The following C4orf51 variants were observed in gnomAD, a reference collection of about 807,000 sequenced individuals.
C4orf51 encodes chromosome 4 open reading frame 51.
A neutral mutation model predicts 25.2 loss-of-function variants in C4orf51; 25 were observed. The ratio of observed to expected loss-of-function variants is 0.99; its 90% CI spans 0.72 to 1.39. C4orf51 has a LOEUF of 1.39. Among genes scored for constraint, C4orf51 ranks in the 40% most tolerant of loss-of-function variants. The pLI is 0.00. For synonymous variants in C4orf51, 100 were observed against 84.5 expected (o/e 1.18, Z -1.01); for missense variants, 252 against 239.6 (o/e 1.05, Z -0.34).
the C4orf51 span, among the ~76,000 whole-genome samples, chr4:145,777,010 A>G: frequency 1.3e-5 from 2 of 152,100 alleles, no homozygotes; most frequent in African/African-American, 4.8e-5. Flanking sequence ...GGAAAGAACA[A>G]CTCCAGTGTT....
the C4orf51 span, chr4:145,779,364 A>G: frequency 1.9e-6 from 3 of 1,613,480 alleles, no homozygotes; most frequent in Non-Finnish European, 2.5e-6. Flanking sequence ...CCCAGGCCCT[A>G]CTCACTCACC....
chr4:145,773,400 A>G (rs1465959948), downstream of C4orf51, among the ~76,000 whole-genome samples: 1 of 152,206 alleles, frequency 6.6e-6, no homozygotes, highest in Non-Finnish European at 1.5e-5. Context: ...CCAGAGAAAC[A>G]CAGAGAGATC....
intron 1 of C4orf51, among the ~76,000 whole-genome samples, chr4:145,747,654 C>G (rs536954862): frequency 8.6e-5 from 13 of 151,342 alleles, no homozygotes; most frequent in African/African-American, 3.1e-4. Flanking sequence ...GATCTTTAGT[C>G]TCCCTTCCTC....
downstream of C4orf51, chr4:145,758,289 T>C (rs1734110606): frequency 1.3e-5 from 2 of 152,206 alleles, no homozygotes; most frequent in African/African-American, 4.8e-5. Flanking sequence ...GTGAAATGCA[T>C]GGCATTTGAG....
Position 145,694,632 on chromosome 4 carries a change from G to T in C4orf51, c.234-1927G>T, listed in dbSNP as rs1400860861. Among the ~76,000 whole-genome samples, 3 of 85,874 alleles carry T rather than the reference G, an allele frequency of 3.5e-5. No homozygotes were observed. In the East Asian group the frequency reaches 1.0e-3, roughly 29 times the overall value. The allele number at this position is 85,874 out of a possible 152,430, so 56.3% of individuals were successfully genotyped here. A position where few individuals can be genotyped will look rare whatever the true frequency, so the allele number is the denominator to read the frequency against. ...GCCCCCCCGCCTGGCCAGCCGCCCC[G>T]TCCGGGAGGGAGGTGGGGGGGTCAG... On this transcript the variant is annotated intron_variant, in intron 1 of 5. Coordinates refer to ENST00000438731, the MANE Select transcript of C4orf51 (RefSeq NM_001080531.3).
At chr4:145,694,275 T>C (rs1729875734) in intron 1 of C4orf51, among the ~76,000 whole-genome samples, 1 of 137,318 alleles carries the variant, frequency 7.3e-6, no homozygotes, top group East Asian at 2.4e-4. Context: ...CGCTCCTCAC[T>C]TTCCAGACTG....
chr4:145,685,676 T>C (rs1462115925), intron 1 of C4orf51, among the ~76,000 whole-genome samples: 1 of 152,236 alleles, frequency 6.6e-6, no homozygotes, highest in African/African-American at 2.4e-5. Flanking sequence ...GGTCGATCTT[T>C]AACTACCAGG....
chr4:145,704,357 T>C (rs1020050473), intron 2 of C4orf51, among the ~76,000 whole-genome samples: 2 of 152,234 alleles, frequency 1.3e-5, no homozygotes, highest in African/African-American at 4.8e-5. Context: ...TCTCTACAGA[T>C]GCAAATTTCC....
chr4:145,773,088 G>C (rs1324175540), downstream of C4orf51, among the ~76,000 whole-genome samples: 2 of 152,054 alleles, frequency 1.3e-5, no homozygotes, highest in Non-Finnish European at 2.9e-5. Context: ...AAGAGGGTTA[G>C]AACAAAGGTT....
downstream of C4orf51, among the ~76,000 whole-genome samples, chr4:145,775,232 G>C (rs1736878634): frequency 1.3e-5 from 2 of 152,130 alleles, no homozygotes; most frequent in Non-Finnish European, 2.9e-5. Context: ...CCACCAATCA[G>C]TATGGCAACT....
At chr4:145,689,719 C>T (rs1347815681) in intron 1 of C4orf51, among the ~76,000 whole-genome samples, 1 of 151,994 alleles carries the variant, frequency 6.6e-6, no homozygotes, top group Non-Finnish European at 1.5e-5. Flanking sequence ...AGCCACACAC[C>T]TACAGCCAAC....
intron 1 of C4orf51, among the ~76,000 whole-genome samples, chr4:145,752,054 C>T (rs559375093): frequency 2.0e-5 from 3 of 152,288 alleles, no homozygotes; most frequent in Admixed American, 6.5e-5. Context: ...CAGTGGGCTC[C>T]CCTTTGGCCC....
At chr4:145,760,720 G>GTTTTTTT (rs10715391) in intron 1 of C4orf51, 2 of 706,424 alleles carry the variant, frequency 2.8e-6, no homozygotes, top group Non-Finnish European at 1.7e-6. Context: ...AAGTTTTGTG[G>GTTTTTTT]TTTTTTTTTT....
At chr4:145,699,101 C>A (rs1278592097) in intron 2 of C4orf51, among the ~76,000 whole-genome samples, 1 of 151,464 alleles carries the variant, frequency 6.6e-6, no homozygotes. Context: ...AGAGAACAAA[C>A]CCCCTTTGAC....
At position 145,692,953 on chromosome 4, in the gene C4orf51, G is replaced by GTTTTTTTTTTT. The variant is rs202227019; in HGVS notation, c.234-3590_234-3580dup. Among the ~76,000 whole-genome samples the GTTTTTTTTTTT allele has an allele frequency of 4.2e-3, 421 of 100,918 alleles. 47 individuals carry two copies. The highest frequency in any genetic ancestry group is 7.9e-3 in the East Asian group (25 of 3,146). The allele number at this position is 100,918 out of a possible 152,430, so 66.2% of individuals were successfully genotyped here. ...TTACTCCGCTGATATTAAGTTTTTAGTTTTTTTTTTTTTTTTTTTTTTTTT... is the reference window on the plus strand; with the variant it reads ...TTACTCCGCTGATATTAAGTTTTTAGTTTTTTTTTTTTTTTTTTTTTTTTTTTTTTTTTTTT... On this transcript the variant is annotated intron_variant, in intron 1 of 5. Transcript: ENST00000438731.
intron 1 of C4orf51, among the ~76,000 whole-genome samples, chr4:145,688,887 T>C (rs72723848): frequency 1.3e-4 from 17 of 126,282 alleles, no homozygotes; most frequent in East Asian, 2.7e-4. Context: ...TCAAAATAAA[T>C]AAACAAACAA....
At chr4:145,717,952 A>G (rs1407376214) in intron 2 of C4orf51, among the ~76,000 whole-genome samples, 3 of 152,246 alleles carry the variant, frequency 2.0e-5, no homozygotes, top group Non-Finnish European at 4.4e-5. Context: ...TCTCCATTGT[A>G]CTATGCTAAT....
downstream of C4orf51, among the ~76,000 whole-genome samples, chr4:145,754,686 G>A (rs2126816172): frequency 6.6e-6 from 1 of 152,358 alleles, no homozygotes; most frequent in Non-Finnish European, 1.5e-5. Flanking sequence ...TGTAATCCCA[G>A]CACTTTAGGA....
downstream of C4orf51, among the ~76,000 whole-genome samples, chr4:145,771,504 A>G (rs979596182): frequency 5.9e-5 from 9 of 152,234 alleles, no homozygotes; most frequent in Non-Finnish European, 1.0e-4. Flanking sequence ...TGCAACATTT[A>G]GAAATTGCAG....
Sources: allele counts gnomAD v4.1 joint callset (sites outside exome capture counted in the v4.1 genomes callset), GRCh38; gene constraint gnomAD v4.1.1; transcripts MANE v1.5; gene names NCBI Gene and HGNC (gene_info 2026-07-23, HGNC 2026-07-21).